Variants in NNMT observed in about 807,000 individuals in gnomAD.
NNMT encodes the protein nicotinamide N-methyltransferase.
Under a neutral mutation model 11.7 loss-of-function variants are expected in NNMT, and 10 were observed. The observed-to-expected ratio is 0.85, with a 90% confidence interval of 0.53 to 1.45. The LOEUF is 1.45. Among genes scored for constraint, NNMT ranks in the 40% most tolerant of loss-of-function variants. The pLI, the probability that NNMT is intolerant of heterozygous loss-of-function variation, is 0.00. For synonymous variants in NNMT, 143 were observed against 133.8 expected, an observed-to-expected ratio of 1.07 and a Z score of -0.48; for missense variants, 381 against 319.4, an observed-to-expected ratio of 1.19 and a Z score of -1.47.
chr11:114,302,468 C>G (rs1481374633), intron 2 of NNMT, among the ~76,000 whole-genome samples: 1 of 151,946 alleles, frequency 6.6e-6, no homozygotes. Context: ...ACTTTCCTGG[C>G]CCTTATGTTC....
intron 2 of NNMT, among the ~76,000 whole-genome samples, chr11:114,288,205 A>AT (rs1945311986): frequency 6.6e-6 from 1 of 152,064 alleles, no homozygotes; most frequent in South Asian, 2.1e-4. Flanking sequence ...CAATACTTAC[A>AT]TTTTTAACCT....
chr11:114,260,300 G>C (rs1372857554), intron 1 of NNMT, among the ~76,000 whole-genome samples: 1 of 152,204 alleles, frequency 6.6e-6, no homozygotes, highest in Non-Finnish European at 1.5e-5. Context: ...AATTTCTGTT[G>C]TGTGTTCCCA....
chr11:114,294,199 G>A (rs934442684), upstream of NNMT, among the ~76,000 whole-genome samples: 1 of 151,970 alleles, frequency 6.6e-6, no homozygotes, highest in African/African-American at 2.4e-5. Context: ...AAAATAGTTA[G>A]AGGCCAGGCG....
At chr11:114,274,521 C>T (rs1160121842) in intron 2 of NNMT, among the ~76,000 whole-genome samples, 4 of 152,198 alleles carry the variant, frequency 2.6e-5, no homozygotes. Context: ...TGTTTTTGCA[C>T]CTTGAGGATG....
intron 1 of NNMT, among the ~76,000 whole-genome samples, chr11:114,258,069 C>G (rs1032242374): frequency 3.3e-5 from 5 of 152,176 alleles, no homozygotes; most frequent in African/African-American, 1.2e-4. Context: ...CCACTGCCGC[C>G]CCCTGCCAGC....
chr11:114,293,812 A>T (rs1376248855), upstream of NNMT, among the ~76,000 whole-genome samples: 1 of 152,134 alleles, frequency 6.6e-6, no homozygotes, highest in African/African-American at 2.4e-5. Flanking sequence ...GGAAATCAGT[A>T]TATCCAAGAG....
chr11:114,268,847 T>C (rs1323876986), intron 2 of NNMT, among the ~76,000 whole-genome samples: 2 of 151,404 alleles, frequency 1.3e-5, no homozygotes, highest in African/African-American at 4.9e-5. Flanking sequence ...GTGGGCATGC[T>C]ACCTGGGAAT....
Position 114,296,678 on chromosome 11 carries a change from T to G in NNMT, c.122T>G (p.Leu41Arg), listed in dbSNP as rs753759737. Residue 41 changes from leucine to arginine, a missense_variant, in exon 1 of 3, where the codon CTT becomes CGT. Leu to Arg is a moderately radical substitution (Grantham distance 102). Coordinates refer to ENST00000299964, the MANE Select transcript of NNMT (RefSeq NM_006169.3). ...GCAGAAAGCCAGATTCTTAAGCACC[T>G]TCTGAAAAATCTTTTCAAGATATTC... Reference protein sequence around the residue: ...HSAESQILKHLLKNLFKIFCL... With the variant: ...HSAESQILKHRLKNLFKIFCL... 9 of 1,614,204 alleles carry G rather than the reference T, an allele frequency of 5.6e-6. No homozygotes were observed. The highest frequency in any genetic ancestry group is 1.7e-5 in the Admixed American group (1 of 60,020).
In NNMT at chr11:114,312,219, G is replaced by A. The variant is rs766221246; in HGVS notation, c.537G>A (p.Ala179=). The A allele has an allele frequency of 7.4e-6, 12 of 1,614,082 alleles. No homozygotes were observed. Among genetic ancestry groups the A allele is most frequent in the South Asian group, 1.1e-5 (1 of 91,076 alleles). ...ACPDLPTYCR[A]LRNLGSLLKP... ...CAGACCTCCCCACCTACTGCAGGGC[G>A]CTCAGGAACCTCGGCAGCCTACTGA... is the stretch of plus-strand genomic sequence containing the variant. The change falls in exon 3 of 3, where the codon GCG becomes GCA. Residue 179 remains alanine (A), a synonymous_variant. Coordinates refer to ENST00000299964, the MANE Select transcript of NNMT (RefSeq NM_006169.3).
At chr11:114,269,743 C>G (rs1945155485) in intron 2 of NNMT, among the ~76,000 whole-genome samples, 1 of 152,170 alleles carries the variant, frequency 6.6e-6, no homozygotes, top group South Asian at 2.1e-4. Context: ...CCAGCTCACT[C>G]CATCACTGCA....
At chr11:114,295,320 G>A (rs182606973), upstream of NNMT, among the ~76,000 whole-genome samples, 1 of 152,246 alleles carries the variant, frequency 6.6e-6, no homozygotes, top group African/African-American at 2.4e-5. Flanking sequence ...GTGACCAGTG[G>A]GAATGCACGA....
At chr11:114,286,161 G>A (rs1439156304) in intron 2 of NNMT, among the ~76,000 whole-genome samples, 1 of 152,188 alleles carries the variant, frequency 6.6e-6, no homozygotes, top group Admixed American at 6.5e-5. Context: ...ACTAGGTCCT[G>A]CCTCAGAGAG....
intron 2 of NNMT, among the ~76,000 whole-genome samples, chr11:114,306,667 G>A (rs1945495066): frequency 6.6e-6 from 1 of 152,048 alleles, no homozygotes; most frequent in South Asian, 2.1e-4. Flanking sequence ...GTAGATGTGT[G>A]GTATTATTTC....
chr11:114,292,457 C>G (rs529277891), upstream of NNMT, among the ~76,000 whole-genome samples: 1 of 152,174 alleles, frequency 6.6e-6, no homozygotes, highest in African/African-American at 2.4e-5. Flanking sequence ...GAATGCCCCA[C>G]TACATTGATT....
intron 2 of NNMT, among the ~76,000 whole-genome samples, chr11:114,305,191 G>T (rs1443987315): frequency 6.6e-6 from 1 of 152,228 alleles, no homozygotes. Flanking sequence ...GGTGTCTGGA[G>T]CAGGGCTTCC....
chr11:114,298,418 C>A (rs1175877369), intron 2 of NNMT: 3 of 435,234 alleles, frequency 6.9e-6, no homozygotes, highest in African/African-American at 4.0e-5. Flanking sequence ...GAGGAGTAAA[C>A]CCCCAAATTT....
chr11:114,286,972 T>G (rs1475190453), intron 2 of NNMT, among the ~76,000 whole-genome samples: 4 of 152,224 alleles, frequency 2.6e-5, no homozygotes, highest in Non-Finnish European at 5.9e-5. Context: ...TAATTGTATC[T>G]CATTGTGGTT....
chr11:114,291,995 A>G (rs367632090), upstream of NNMT, among the ~76,000 whole-genome samples: 1 of 151,964 alleles, frequency 6.6e-6, no homozygotes, highest in African/African-American at 2.4e-5. Flanking sequence ...AGTCCATTTG[A>G]TCTCTCTTAT....
At chr11:114,281,534 G>A (rs577170241) in intron 2 of NNMT, among the ~76,000 whole-genome samples, 33 of 152,284 alleles carry the variant, frequency 2.2e-4, no homozygotes, top group African/African-American at 7.9e-4. Flanking sequence ...GACAAGCAAA[G>A]GGAGGGAGGG....
Sources: gnomAD v4.1 joint callset for allele counts (sites outside exome capture counted in the v4.1 genomes callset) on GRCh38, gnomAD v4.1.1 for gene constraint, MANE v1.5 for transcripts, NCBI Gene and HGNC (gene_info 2026-07-23, HGNC 2026-07-21) for gene names.